PPARGC1A: variants seen among roughly 807,000 people sequenced by gnomAD.
The protein encoded by PPARGC1A is peroxisome proliferator-activated receptor gamma coactivator 1-alpha.
Under a neutral mutation model 88.7 loss-of-function variants are expected in PPARGC1A, and 25 were observed. The observed-to-expected ratio is 0.28, with a 90% CI of 0.21 to 0.39. PPARGC1A has a LOEUF of 0.39. PPARGC1A is among the 10% of genes least tolerant of loss of function. The pLI, the probability that PPARGC1A is intolerant of heterozygous loss-of-function variation, is 1.00. For missense variants in PPARGC1A, 880 were observed against 968.7 expected (o/e 0.91, Z 1.22); for synonymous variants, 363 against 355.6 (o/e 1.02, Z -0.24).
the PPARGC1A span, among the ~76,000 whole-genome samples, chr4:24,073,955 C>T: frequency 0.028 from 4,218 of 152,144 alleles, 189 homozygotes; most frequent in African/African-American, 0.095. Context: ...GGTGAGTATC[C>T]GGTACCACTC....
At chr4:24,042,727 C>T in the PPARGC1A span, among the ~76,000 whole-genome samples, 3 of 152,086 alleles carry the variant, frequency 2.0e-5, no homozygotes, top group Non-Finnish European at 2.9e-5. Context: ...AATATATACA[C>T]TTGTTTAAAT....
At chr4:24,370,401 CATAG>C in the PPARGC1A span, among the ~76,000 whole-genome samples, 2 of 152,068 alleles carry the variant, frequency 1.3e-5, no homozygotes, top group African/African-American at 4.8e-5. Context: ...AATATATTTA[CATAG>C]ATAGATATGA....
chr4:24,015,785 C>T, the PPARGC1A span, among the ~76,000 whole-genome samples: 9 of 152,126 alleles, frequency 5.9e-5, no homozygotes, highest in African/African-American at 2.2e-4. Context: ...TCAGAGAAAG[C>T]CTTGCCCAAA....
chr4:23,811,815 T>C (rs1305686917), intron 10 of PPARGC1A, among the ~76,000 whole-genome samples: 1 of 150,066 alleles, frequency 6.7e-6, no homozygotes, highest in African/African-American at 2.5e-5. Context: ...AAAATGTCAT[T>C]GAAAAGTAGT....
At chr4:24,044,362 T>C in the PPARGC1A span, among the ~76,000 whole-genome samples, 1 of 152,086 alleles carries the variant, frequency 6.6e-6, no homozygotes, top group African/African-American at 2.4e-5. Flanking sequence ...CCATAATGAG[T>C]CTCTTAAAAG....
At chr4:23,796,098 T>TA (rs761551698) in intron 12 of PPARGC1A, among the ~76,000 whole-genome samples, 173 bp from the exon 13 acceptor site, 1 of 151,520 alleles carries the variant, frequency 6.6e-6, no homozygotes, top group Non-Finnish European at 1.5e-5. Flanking sequence ...GGATGGGGAG[T>TA]AGTGAGCTTT....
At chr4:24,380,045 A>T in the PPARGC1A span, among the ~76,000 whole-genome samples, 9 of 152,180 alleles carry the variant, frequency 5.9e-5, no homozygotes, top group African/African-American at 2.2e-4. Flanking sequence ...CAGAAGTGCT[A>T]GGATTACAGG....
the PPARGC1A span, among the ~76,000 whole-genome samples, chr4:23,920,688 A>G: frequency 2.6e-5 from 4 of 152,222 alleles, no homozygotes; most frequent in African/African-American, 7.2e-5. Context: ...TCCCAGCTCT[A>G]TAATCCTCAC....
intron 10 of PPARGC1A, among the ~76,000 whole-genome samples, chr4:23,805,127 T>C (rs1719554778): frequency 6.6e-6 from 1 of 151,862 alleles, no homozygotes. Flanking sequence ...TGAACACTTA[T>C]CCCATTCCCT....
chr4:24,062,711 C>T, the PPARGC1A span, among the ~76,000 whole-genome samples: 1 of 152,230 alleles, frequency 6.6e-6, no homozygotes, highest in East Asian at 1.9e-4. Flanking sequence ...ACCATCCCAT[C>T]CCTGGTCCAG....
At chr4:23,885,574 AG>A (rs1716729528) in intron 1 of PPARGC1A, among the ~76,000 whole-genome samples, 1 of 152,192 alleles carries the variant, frequency 6.6e-6, no homozygotes, top group South Asian at 2.1e-4. Flanking sequence ...TAAAGGCAAA[AG>A]CAAGTTCCTT....
the PPARGC1A span, among the ~76,000 whole-genome samples, chr4:24,243,549 A>G: frequency 6.6e-6 from 1 of 152,216 alleles, no homozygotes; most frequent in African/African-American, 2.4e-5. Context: ...GCAGAAATGA[A>G]TGAAATTGCA....
the PPARGC1A span, among the ~76,000 whole-genome samples, chr4:23,950,972 C>T: frequency 6.6e-6 from 1 of 152,074 alleles, no homozygotes; most frequent in African/African-American, 2.4e-5. Flanking sequence ...CTAAGGCTAC[C>T]TTGAGGATTA....
At chr4:23,891,775 T>C (rs570047640), upstream of PPARGC1A, among the ~76,000 whole-genome samples, 1 of 152,300 alleles carries the variant, frequency 6.6e-6, no homozygotes, top group African/African-American at 2.4e-5. Context: ...GTAGTTTTAA[T>C]TTTCTAATGA....
chr4:24,036,264 G>C, the PPARGC1A span, among the ~76,000 whole-genome samples: 1 of 152,202 alleles, frequency 6.6e-6, no homozygotes, highest in Non-Finnish European at 1.5e-5. Flanking sequence ...TAAAGGTAGA[G>C]AGACTAGAAC....
intron 10 of PPARGC1A, among the ~76,000 whole-genome samples, chr4:23,804,299 T>A (rs1047253210): frequency 6.6e-6 from 1 of 152,170 alleles, no homozygotes; most frequent in African/African-American, 2.4e-5. Flanking sequence ...CTACCTCCCT[T>A]TACTCCTTTC....
chr4:24,016,941 T>C, the PPARGC1A span, among the ~76,000 whole-genome samples: 3 of 152,134 alleles, frequency 2.0e-5, no homozygotes, highest in African/African-American at 4.8e-5. Context: ...TCACTCCTTT[T>C]AGTGGAGAAG....
chr4:24,297,851 T>C, the PPARGC1A span, among the ~76,000 whole-genome samples: 1 of 152,170 alleles, frequency 6.6e-6, no homozygotes, highest in Admixed American at 6.5e-5. Context: ...TCCTGTCAAC[T>C]ATGCTCTGGG....
the PPARGC1A span, among the ~76,000 whole-genome samples, chr4:24,033,705 T>C: frequency 1.3e-4 from 20 of 152,088 alleles, no homozygotes; most frequent in African/African-American, 3.9e-4. Context: ...GAGTGGATGA[T>C]AGAGGGAAAA....
Sources: gnomAD v4.1 joint callset for allele counts (sites outside exome capture counted in the v4.1 genomes callset) on GRCh38, gnomAD v4.1.1 for gene constraint, MANE v1.5 for transcripts, NCBI Gene and HGNC (gene_info 2026-07-23, HGNC 2026-07-21) for gene names.